POLH: variants seen among roughly 807,000 people sequenced by gnomAD.
POLH encodes the protein DNA polymerase eta transcript.
In POLH, 53 loss-of-function variants were observed where a neutral mutation model predicts 73.6. The ratio of observed to expected loss-of-function variants is 0.72; its 90% CI spans 0.58 to 0.91. The LOEUF is 0.91. Ranked by LOEUF, POLH falls within the 40% of genes least tolerant of loss-of-function variation. The probability of loss-of-function intolerance (pLI) is 0.00; values close to 1 mark genes in which losing one functional copy is unlikely to be tolerated. For missense variants in POLH, 768 were observed against 865.4 expected, an observed-to-expected ratio of 0.89 and a Z score of 1.41; for synonymous variants, 292 against 308.5, an observed-to-expected ratio of 0.95 and a Z score of 0.56.
intron 1 of POLH, among the ~76,000 whole-genome samples, chr6:43,581,902 C>T (rs1367420997): frequency 3.3e-5 from 5 of 151,742 alleles, no homozygotes; most frequent in African/African-American, 9.7e-5. Flanking sequence ...CCGCGACCTC[C>T]TCTCAAGATC....
chr6:43,578,997 C>G (rs1466649341), intron 1 of POLH, among the ~76,000 whole-genome samples: 1 of 152,214 alleles, frequency 6.6e-6, no homozygotes, highest in Non-Finnish European at 1.5e-5. Context: ...CTATTGCCTT[C>G]ATAAAATTGT....
At chr6:43,578,552 A>G in intron 1 of POLH, 2 of 327,698 alleles carry the variant, frequency 6.1e-6, no homozygotes, top group East Asian at 1.0e-4. Context: ...ATGGTCATGA[A>G]AAACAAGGAA....
intron 4 of POLH, chr6:43,590,925 CAAAAAAAAAAAAGAA>C (rs1176091996): frequency 1.3e-4 from 8 of 61,808 alleles, no homozygotes; most frequent in South Asian, 1.2e-3. Flanking sequence ...GACTCTGTCT[CAAAAAAAAAAAAGAA>C]AAAAAAAAAA....
chr6:43,605,415 A>T, intron 9 of POLH, 96 bp downstream of exon 9: 8 of 626,508 alleles, frequency 1.3e-5, no homozygotes, highest in South Asian at 1.6e-5. Flanking sequence ...AGAAAAAAGT[A>T]TTAGCATAGG....
intron 4 of POLH, among the ~76,000 whole-genome samples, chr6:43,595,425 G>A (rs567055257): frequency 1.3e-5 from 2 of 150,350 alleles, no homozygotes; most frequent in South Asian, 2.2e-4. Context: ...GTGAACCACC[G>A]CACATGGCCC....
At position 43,618,405 on chromosome 6, in the gene POLH, G is replaced by A. The variant is rs1768484908; in HGVS notation, c.*3848G>A. On this transcript the variant is annotated 3_prime_UTR_variant, in exon 11 of 11. Transcript: ENST00000372236. ...TAGACCTCGTGATCCATCCGCCTCG[G>A]CCTCCCAAAGTGCTGGGATTATAGG... 6.6e-6 allele frequency among the ~76,000 whole-genome samples: 1 copy of A among 152,006 alleles called. No individual in the cohort carries two copies. Among genetic ancestry groups the A allele is most frequent in the South Asian group, 2.1e-4 (1 of 4,822 alleles).
Position 43,614,069 on chromosome 6 carries a change from C to A in POLH, c.1654C>A (p.Pro552Thr), listed in dbSNP as rs753681321. The change falls in exon 11 of 11, where the codon CCC becomes ACC. Residue 552 changes from proline to threonine, a missense_variant. Coordinates refer to ENST00000372236, the MANE Select transcript of POLH (RefSeq NM_006502.3). ...KQLNNSSVSS[P>T]QQNPWSNCKA... ...GCTTAATAATTCTTCAGTTTCTTCC[C>A]CCCAACAAAACCCATGGTCCAACTG... is the stretch of plus-strand genomic sequence containing the variant. 1.2e-6 allele frequency: 2 copies of A among 1,614,060 alleles called. No individual in the cohort carries two copies. The highest frequency in any genetic ancestry group is 1.1e-5 in the South Asian group (1 of 91,084).
chr6:43,610,485 C>T, intron 9 of POLH, 69 bp from the exon 10 acceptor site: 1 of 1,268,920 alleles, frequency 7.9e-7, no homozygotes, highest in Admixed American at 1.7e-5. Flanking sequence ...TCCTCTCCTG[C>T]AGTTCAGTAC....
chr6:43,593,026 A>T (rs1765639640), intron 4 of POLH, among the ~76,000 whole-genome samples: 1 of 152,046 alleles, frequency 6.6e-6, no homozygotes, highest in African/African-American at 2.4e-5. Flanking sequence ...GGCCTTACAA[A>T]ACAGTTTTAT....
intron 10 of POLH, among the ~76,000 whole-genome samples, chr6:43,612,345 A>AC (rs1767975788): frequency 6.9e-6 from 1 of 143,988 alleles, no homozygotes; most frequent in Admixed American, 6.8e-5. Context: ...ATATTGGGAT[A>AC]CTTTTTTTTT....
At chr6:43,576,558 T>C (rs1255131595) in intron 1 of POLH, 118 bp downstream of exon 1, 1 of 152,230 alleles carries the variant, frequency 6.6e-6, no homozygotes, top group Non-Finnish European at 1.5e-5. Context: ...TAAATCATGC[T>C]AACAGGGATA....
intron 1 of POLH, among the ~76,000 whole-genome samples, chr6:43,578,844 G>T (rs1437482315): frequency 6.6e-6 from 1 of 152,034 alleles, no homozygotes; most frequent in Admixed American, 6.6e-5. Flanking sequence ...TTCCGTATTG[G>T]TTCTCTTCCC....
chr6:43,598,875 T>C (rs1426813919), intron 5 of POLH, among the ~76,000 whole-genome samples: 2 of 152,070 alleles, frequency 1.3e-5, no homozygotes, highest in Non-Finnish European at 2.9e-5. Flanking sequence ...CCTGCAGATA[T>C]TGAGAGATGA....
At chr6:43,595,153 T>G (rs1025374825) in intron 4 of POLH, among the ~76,000 whole-genome samples, 7 of 105,594 alleles carry the variant, frequency 6.6e-5, no homozygotes, top group South Asian at 2.9e-4. Flanking sequence ...AAAAGACAGG[T>G]TTTTTTTTTT....
At chr6:43,582,223 T>C (rs1764360497) in intron 1 of POLH, 93 bp from the exon 2 acceptor site, 1 of 1,159,620 alleles carries the variant, frequency 8.6e-7, no homozygotes, top group Non-Finnish European at 1.3e-6. Flanking sequence ...CCCATGCTCA[T>C]GGTAACTCAT....
chr6:43,587,634 A>C (rs1764973582), intron 4 of POLH, 145 bp downstream of exon 4: 2 of 718,528 alleles, frequency 2.8e-6, no homozygotes, highest in East Asian at 2.7e-5. Flanking sequence ...AGGATATACA[A>C]ATTTTCTTAT....
chr6:43,580,905 C>G, intron 1 of POLH, among the ~76,000 whole-genome samples: 2 of 150,920 alleles, frequency 1.3e-5, no homozygotes, highest in African/African-American at 2.4e-5. Context: ...ACCCCCCCAC[C>G]TCCCTCCCGG....
At position 43,583,054 on chromosome 6, in the gene POLH, GT is replaced by G; in HGVS notation, c.186del (p.Ser62ArgfsTer38). 1 of 1,613,570 alleles carries G rather than the reference GT, an allele frequency of 6.2e-7. No homozygotes were observed. Among genetic ancestry groups the G allele is most frequent in the Non-Finnish European group, 8.5e-7 (1 of 1,179,550 alleles). ...GCTCGTGCATTTGGAGTCACTAGAA[GT>G]ATGTGGGCAGATGATGCTAAGAAGT... ...YEARAFGVTRSMWADDAKKLC... is the reference protein window; with the variant it reads ...YEARAFGVTRXMWADDAKKLC... On this transcript the variant is annotated frameshift_variant, in exon 3 of 11. Transcript: ENST00000372236. LOFTEE classifies it high-confidence loss of function.
At chr6:43,578,248 G>A (rs982239121) in intron 1 of POLH, among the ~76,000 whole-genome samples, 1 of 152,134 alleles carries the variant, frequency 6.6e-6, no homozygotes, top group Admixed American at 6.6e-5. Context: ...TTAGCCGGGC[G>A]TGGTGGCGTG....
Sources: allele counts gnomAD v4.1 joint callset (sites outside exome capture counted in the v4.1 genomes callset), GRCh38; gene constraint gnomAD v4.1.1; transcripts MANE v1.5; gene names NCBI Gene and HGNC (gene_info 2026-07-23, HGNC 2026-07-21).